Variants in RASIP1 observed in about 807,000 individuals in gnomAD.
The protein encoded by RASIP1 is ras-interacting protein 1.
RASIP1 carries 20 observed loss-of-function variants against 85.3 expected under a neutral mutation model. The observed-to-expected ratio is 0.23, with a 90% CI of 0.17 to 0.34. The LOEUF (loss-of-function observed/expected upper bound fraction) is 0.34. RASIP1 is among the 10% of genes least tolerant of loss of function. The pLI, the probability that RASIP1 is intolerant of heterozygous loss-of-function variation, is 1.00. For synonymous variants in RASIP1, 617 were observed against 647.1 expected (o/e 0.95, Z 0.71); for missense variants, 1,170 against 1,390.9 (o/e 0.84, Z 2.53).
intron 4 of RASIP1, among the ~76,000 whole-genome samples, chr19:48,731,410 C>A (rs2033455842): frequency 6.6e-6 from 1 of 152,132 alleles, no homozygotes; most frequent in Non-Finnish European, 1.5e-5. Flanking sequence ...AATGGACGTT[C>A]TCAATATTCC....
chr19:48,739,572 G>T lies in RASIP1; in HGVS notation c.211C>A (p.Arg71=). The T allele has an allele frequency of 6.7e-7, 1 of 1,501,724 alleles. No individual in the cohort carries two copies. Among genetic ancestry groups the T allele is most frequent in the Non-Finnish European group, 8.9e-7 (1 of 1,128,248 alleles). 93.0% of individuals were successfully genotyped at this position (1,501,724 alleles called of 1,614,324 possible). Residue 71 remains arginine (R), a synonymous_variant, in exon 3 of 12, where the codon CGA becomes AGA. Coordinates refer to ENST00000222145, the MANE Select transcript of RASIP1 (RefSeq NM_017805.3). This position sits in a 1 kb window ranked among gnomAD's most constrained non-coding sequence, Gnocchi z 9.2. ...PPPPPHVELR[R]VGAVKAAGGA... ...CCGGCCGCCTTGACAGCGCCCACTCGCCGCAGCTCCACGTGCGGCGGGGGC... is the reference window on the plus strand; with the variant it reads ...CCGGCCGCCTTGACAGCGCCCACTCTCCGCAGCTCCACGTGCGGCGGGGGC...
chr19:48,730,173 C>CTT (rs564501421), intron 4 of RASIP1, among the ~76,000 whole-genome samples: 1 of 148,148 alleles, frequency 6.8e-6, no homozygotes. Context: ...GGAGACCCCC[C>CTT]TTTTTTTCTT....
At chr19:48,722,449 C>G (rs1231043249) in intron 10 of RASIP1, among the ~76,000 whole-genome samples, 1 of 151,598 alleles carries the variant, frequency 6.6e-6, no homozygotes, top group Non-Finnish European at 1.5e-5. Flanking sequence ...TTGGCCCCAG[C>G]CTCCAGAGTA....
At chr19:48,725,767 C>A (rs1296920325) in intron 8 of RASIP1, among the ~76,000 whole-genome samples, 1 of 152,126 alleles carries the variant, frequency 6.6e-6, no homozygotes, top group African/African-American at 2.4e-5. Context: ...TGATCTCTAG[C>A]TATCTATCAA....
Position 48,729,361 on chromosome 19 carries a change from T to C in RASIP1, c.1409A>G (p.Glu470Gly). 1 of 1,558,882 alleles carries C rather than the reference T, an allele frequency of 6.4e-7. No individual in the cohort carries two copies. The highest frequency in any genetic ancestry group is 8.7e-7 in the Non-Finnish European group (1 of 1,151,994). Residue 470 changes from glutamate to glycine, a missense_variant, in exon 5 of 12, where the codon GAG becomes GGG. Glu to Gly is a moderately conservative substitution (Grantham distance 98). This residue lies in a region of RASIP1 where 426 missense variants were observed against 576.2 expected (regional missense o/e 0.74). Transcript: ENST00000222145. ...CCCCAGGAGGTCGCCCGGGTGCAGC[T>C]CAGCCTCCCGCAGCAGGAGGCACCC... is the stretch of plus-strand genomic sequence containing the variant. ...HNGCLLLREA[E>G]LHPGDLLGLG...
chr19:48,732,391 G>A (rs986445765), intron 4 of RASIP1, among the ~76,000 whole-genome samples: 3 of 151,736 alleles, frequency 2.0e-5, no homozygotes, highest in African/African-American at 2.4e-5. Context: ...GAGTAGCTGG[G>A]ACTACACGTG....
intron 4 of RASIP1, 119 bp from the exon 5 acceptor site, chr19:48,729,709 C>CTTT (rs35424254): frequency 5.2e-4 from 199 of 381,240 alleles, no homozygotes; most frequent in African/African-American, 3.6e-3. Context: ...CCTTCTTCTT[C>CTTT]TTTTTTTTTT....
Position 48,720,776 on chromosome 19 carries a change from C to A in RASIP1, c.*22G>T. The A allele has an allele frequency of 6.2e-7, 1 of 1,611,876 alleles. No homozygotes were observed. Among genetic ancestry groups the A allele is most frequent in the Non-Finnish European group, 8.5e-7 (1 of 1,178,240 alleles). Reference sequence around the variant, plus strand: ...GAAGCCCGTGACATTTCAAGGTTCGCGCGCTCGTTTGGTATTGGTTCTCAA... The same window carrying A: ...GAAGCCCGTGACATTTCAAGGTTCGAGCGCTCGTTTGGTATTGGTTCTCAA... On this transcript the variant is annotated 3_prime_UTR_variant, in exon 12 of 12. Coordinates refer to ENST00000222145, the MANE Select transcript of RASIP1 (RefSeq NM_017805.3).
chr19:48,735,793 C>T (rs1056677586), intron 3 of RASIP1, among the ~76,000 whole-genome samples: 4 of 145,318 alleles, frequency 2.8e-5, no homozygotes, highest in South Asian at 4.9e-4. Context: ...ATTTGTTCTT[C>T]TTTTTTTTTT....
Position 48,727,119 on chromosome 19 carries a change from T to G in RASIP1, c.1911A>C (p.Glu637Asp), listed in dbSNP as rs1466295257. 32 of 1,614,018 alleles carry G rather than the reference T, an allele frequency of 2.0e-5. 1 individual carries two copies. In the Admixed American group the frequency reaches 5.3e-4, roughly 27 times the overall value. ...EGVPEVPLTP[E>D]AVSVELRPLM... ...GTGGCCGCAGCTCCACAGACACAGC[T>G]TCAGGAGTCAGGGGCACCTCGGGGA... The change falls in exon 7 of 12, where the codon GAA (glutamate) becomes GAC (aspartate). Residue 637 changes from glutamate (E) to aspartate (D), a missense_variant. Physicochemically the swap from Glu to Asp is conservative, Grantham distance 45. Coordinates refer to ENST00000222145, the MANE Select transcript of RASIP1 (RefSeq NM_017805.3).
chr19:48,738,320 C>T lies in RASIP1; in HGVS notation c.823+640G>A, dbSNP rs557837695. Among the ~76,000 whole-genome samples the T allele has an allele frequency of 3.9e-5, 6 of 152,338 alleles. No individual in the cohort carries two copies. The East Asian group carries it at 1.2e-3, about 29-fold the overall frequency. ...ACAGTTGCACTATTGATTTCTCTTT[C>T]TCCTAATTGGCCCCAAGAGACCACA... On this transcript the variant is annotated intron_variant, in intron 3 of 11. Transcript: ENST00000222145. The surrounding 1 kb of genome is among the most constrained non-coding windows in gnomAD (Gnocchi z 4.0).
At chr19:48,726,663 G>C in intron 8 of RASIP1, 122 bp downstream of exon 8, 1 of 773,424 alleles carries the variant, frequency 1.3e-6, no homozygotes, top group Non-Finnish European at 2.0e-6. Flanking sequence ...GAGTCAAATA[G>C]TGACATCAGA....
rs1253087830 is a variant in RASIP1 at position 48,739,019 on chromosome 19, C to T, written c.764G>A (p.Arg255His). Residue 255 changes from arginine (R) to histidine (H), a missense_variant, in exon 3 of 12, where the codon CGC becomes CAC. This residue lies in a region of RASIP1 where 301 missense variants were observed against 294.8 expected (regional missense o/e 1.02). Coordinates refer to ENST00000222145, the MANE Select transcript of RASIP1 (RefSeq NM_017805.3). This position sits in a 1 kb window ranked among gnomAD's most constrained non-coding sequence, Gnocchi z 9.2. ...RPGWARRFELRGREEARRLEQ... is the reference protein window; with the variant it reads ...RPGWARRFELHGREEARRLEQ... The stretch of plus-strand genomic sequence containing the variant: ...CAGGCGCCGCGCCTCCTCGCGGCCG[C>T]GCAACTCGAAGCGCCGCGCCCAGCC... The T allele has an allele frequency of 6.4e-6, 8 of 1,246,894 alleles. No homozygotes were observed. In the Admixed American group the frequency reaches 1.3e-4, roughly 20 times the overall value. The allele number at this position is 1,246,894 out of a possible 1,614,324, so 77.2% of individuals were successfully genotyped here.
rs2033298875 is a variant in RASIP1 at position 48,724,063 on chromosome 19, C to T, written c.2544+274G>A. ...CCTCAAGTGATCCACCTACTTAGGC[C>T]TCCCAAAGTGTTGGGATTATAGGCG... On this transcript the variant is annotated intron_variant, in intron 10 of 11. Transcript: ENST00000222145. This position sits in a 1 kb window ranked among gnomAD's most constrained non-coding sequence, Gnocchi z 4.6. Among the ~76,000 whole-genome samples the T allele has an allele frequency of 6.6e-6, 1 of 152,198 alleles. No individual in the cohort carries two copies. The highest frequency in any genetic ancestry group is 6.5e-5 in the Admixed American group (1 of 15,286).
Position 48,721,839 on chromosome 19 carries a change from C to A in RASIP1, c.2692+15G>T. On this transcript the variant is annotated intron_variant, in intron 11 of 11. Coordinates refer to ENST00000222145, the MANE Select transcript of RASIP1 (RefSeq NM_017805.3). ...AAAGCTGACAGCCCCAATGCTGTATCCCATTGCTCCTCACCTGTGTCCACA... is the reference window on the plus strand; with the variant it reads ...AAAGCTGACAGCCCCAATGCTGTATACCATTGCTCCTCACCTGTGTCCACA... 6.3e-7 allele frequency: 1 copy of A among 1,598,362 alleles called. No homozygotes were observed. Among genetic ancestry groups the A allele is most frequent in the Non-Finnish European group, 8.5e-7 (1 of 1,173,508 alleles).
At position 48,739,195 on chromosome 19, in the gene RASIP1, G is replaced by A; in HGVS notation, c.588C>T (p.Ser196=). The change falls in exon 3 of 12, where the codon AGC becomes AGT. Residue 196 remains serine, a synonymous_variant. Coordinates refer to ENST00000222145, the MANE Select transcript of RASIP1 (RefSeq NM_017805.3). The surrounding 1 kb of genome is among the most constrained non-coding windows in gnomAD (Gnocchi z 9.2). ...ACAAAGCGAAGGCGTCCACGCAGCT[G>A]CTCTCGCCGGGGCCACCGCCGGGGC... The part of the protein sequence containing the change: ...AGSPGGGPGE[S]SCVDAFALCD... The A allele has an allele frequency of 2.0e-6, 3 of 1,477,680 alleles. No homozygotes were observed. Among genetic ancestry groups the A allele is most frequent in the Non-Finnish European group, 1.8e-6 (2 of 1,121,472 alleles). 91.5% of individuals were successfully genotyped at this position (1,477,680 alleles called of 1,614,324 possible). A position where few individuals can be genotyped will look rare whatever the true frequency, so the allele number is the denominator to read the frequency against.
In RASIP1 at chr19:48,738,830, T is replaced by A; in HGVS notation, c.823+130A>T. ...GTCCAACACGCACCGTCCAGTCCCCTCCCAGTCCCCTCCCGCGGGCCCCGC... is the reference window on the plus strand; with the variant it reads ...GTCCAACACGCACCGTCCAGTCCCCACCCAGTCCCCTCCCGCGGGCCCCGC... On this transcript the variant is annotated intron_variant, in intron 3 of 11. Coordinates refer to ENST00000222145, the MANE Select transcript of RASIP1 (RefSeq NM_017805.3). The surrounding 1 kb of genome is among the most constrained non-coding windows in gnomAD (Gnocchi z 4.0). 7 of 1,069,332 alleles carry A rather than the reference T, an allele frequency of 6.5e-6. No individual in the cohort carries two copies. Among genetic ancestry groups the A allele is most frequent in the Admixed American group, 4.8e-5 (1 of 20,974 alleles). 66.2% of individuals were successfully genotyped at this position (1,069,332 alleles called of 1,614,324 possible).
Position 48,720,805 on chromosome 19 carries a change from G to A in RASIP1, c.2885C>T (p.Ser962Phe). 1 of 1,614,058 alleles carries A rather than the reference G, an allele frequency of 6.2e-7. No individual in the cohort carries two copies. Among genetic ancestry groups the A allele is most frequent in the Non-Finnish European group, 8.5e-7 (1 of 1,179,998 alleles). Residue 962 changes from serine to phenylalanine, a missense_variant, in exon 12 of 12, where the codon TCT (serine) becomes TTT (phenylalanine). Ser to Phe is a radical substitution (Grantham distance 155). This residue lies in a region of RASIP1 where 144 missense variants were observed against 125.5 expected (regional missense o/e 1.15). Coordinates refer to ENST00000222145, the MANE Select transcript of RASIP1 (RefSeq NM_017805.3). ...CTCGTTTGGTATTGGTTCTCAAGGA[G>A]ACGTGGCCACGGGAGGCCCATGGCG... ...NYRHGPPVAT[S>F]P
At position 48,735,301 on chromosome 19, in the gene RASIP1, G is replaced by A. The variant is rs1442700099; in HGVS notation, c.1074C>T (p.Ile358=). Residue 358 remains isoleucine, a synonymous_variant, in exon 4 of 12, where the codon ATC becomes ATT. Transcript: ENST00000222145. ...SMAPGAADAQ[I]GTADPGDFDQ... ...CGAAGTCCCCGGGGTCTGCAGTTCC[G>A]ATTTGGGCGTCGGCTGCCCCTGGGG... 3 of 1,613,990 alleles carry A rather than the reference G, an allele frequency of 1.9e-6. No homozygotes were observed. The South Asian group carries it at 3.3e-5, about 18-fold the overall frequency.
Sources: allele counts gnomAD v4.1 joint callset (sites outside exome capture counted in the v4.1 genomes callset), GRCh38; gene constraint gnomAD v4.1.1; regional missense constraint gnomAD v4.1.1; non-coding constraint Gnocchi (gnomAD v3.1); transcripts MANE v1.5; gene names NCBI Gene and HGNC (gene_info 2026-07-23, HGNC 2026-07-21).